Variants in INSR observed in about 807,000 individuals in gnomAD.
The protein encoded by INSR is insulin receptor, also known as IR.
Under a neutral mutation model 142.6 loss-of-function variants are expected in INSR, and 67 were observed. The ratio of observed to expected loss-of-function variants is 0.47; its 90% confidence interval spans 0.39 to 0.58. The LOEUF (loss-of-function observed/expected upper bound fraction) is 0.58. INSR is among the 20% of genes least tolerant of loss of function. The probability of loss-of-function intolerance (pLI) is 0.00; values close to 1 mark genes in which losing one functional copy is unlikely to be tolerated. For synonymous variants in INSR, 756 were observed against 743.1 expected (o/e 1.02, Z -0.28); for missense variants, 1,248 against 1,833.2 (o/e 0.68, Z 5.83).
chr19:7,185,854 AAAAAAG>A (rs1215166627), intron 2 of INSR, among the ~76,000 whole-genome samples: 1 of 144,024 alleles, frequency 6.9e-6, no homozygotes, highest in Non-Finnish European at 1.5e-5. Context: ...AAAAAAAAAA[AAAAAAG>A]AGAGAGAGAG....
At chr19:7,138,603 C>G (rs140487097) in intron 13 of INSR, among the ~76,000 whole-genome samples, 8 of 152,144 alleles carry the variant, frequency 5.3e-5, no homozygotes, top group Non-Finnish European at 1.2e-4. Flanking sequence ...AACTCCTGGC[C>G]TCAAGCAATC....
chr19:7,168,135 G>A lies in INSR; in HGVS notation c.1484-41C>T, dbSNP rs140569636. The A allele has an allele frequency of 2.5e-6, 4 of 1,609,288 alleles. No homozygotes were observed. The African/African-American group carries it at 5.3e-5, about 22-fold the overall frequency. On this transcript the variant is annotated intron_variant, in intron 6 of 21. Coordinates refer to ENST00000302850, the MANE Select transcript of INSR (RefSeq NM_000208.4). This position sits in a 1 kb window ranked among gnomAD's most constrained non-coding sequence, Gnocchi z 4.3. ...CAAAAGGCAAAAATGAGCTATTTCA[G>A]TGTAGTTTCAGACCAAAGCCTGGGA...
intron 3 of INSR, among the ~76,000 whole-genome samples, chr19:7,180,003 G>A (rs541689733): frequency 2.0e-5 from 3 of 152,304 alleles, no homozygotes; most frequent in Admixed American, 6.5e-5. Flanking sequence ...GCTGGGGTAA[G>A]AGACTTATGG....
intron 2 of INSR, among the ~76,000 whole-genome samples, chr19:7,219,707 T>C (rs1310242934): frequency 6.6e-6 from 1 of 152,026 alleles, no homozygotes; most frequent in African/African-American, 2.4e-5. Flanking sequence ...AAAAGAACGA[T>C]TGCTGGCTCA....
chr19:7,265,399 A>C (rs906497688), intron 2 of INSR, among the ~76,000 whole-genome samples: 13 of 152,160 alleles, frequency 8.5e-5, no homozygotes, highest in Non-Finnish European at 1.9e-4. Flanking sequence ...TGAGTCACAC[A>C]CACAAACAGA....
Position 7,229,949 on chromosome 19 carries a change from T to G in INSR, c.652+37396A>C, listed in dbSNP as rs1191779127. 3.3e-5 allele frequency among the ~76,000 whole-genome samples: 5 copies of G among 152,048 alleles called. No individual in the cohort carries two copies. In the South Asian group the frequency reaches 1.0e-3, roughly 32 times the overall value. On this transcript the variant is annotated intron_variant, in intron 2 of 21. Transcript: ENST00000302850. Reference sequence around the variant, plus strand: ...CTCAGCTAATTTTTCTTTTTCTTTTTTTTGTTTGTTTGTTTTTGTTTTTGT... The same window carrying G: ...CTCAGCTAATTTTTCTTTTTCTTTTGTTTGTTTGTTTGTTTTTGTTTTTGT...
chr19:7,289,749 T>A (rs1377122824), intron 1 of INSR, among the ~76,000 whole-genome samples: 2 of 152,002 alleles, frequency 1.3e-5, no homozygotes, highest in East Asian at 1.9e-4. Context: ...AGAGCCCAGA[T>A]GGGTAAATGT....
At chr19:7,155,540 C>A (rs868765723) in intron 9 of INSR, among the ~76,000 whole-genome samples, 74 of 103,024 alleles carry the variant, frequency 7.2e-4, no homozygotes, top group South Asian at 1.4e-3. Context: ...TTCCATCTCT[C>A]AAAAAAAAAA....
At chr19:7,173,740 C>T (rs1300408364) in intron 4 of INSR, among the ~76,000 whole-genome samples, 1 of 151,384 alleles carries the variant, frequency 6.6e-6, no homozygotes, top group Non-Finnish European at 1.5e-5. Flanking sequence ...CTGCCTCAGC[C>T]TCCTGCGTAG....
intron 2 of INSR, among the ~76,000 whole-genome samples, chr19:7,258,200 C>A (rs1444148061): frequency 6.6e-6 from 1 of 151,996 alleles, no homozygotes; most frequent in African/African-American, 2.4e-5. Context: ...TTTGGGAGGC[C>A]AAGAAAGGAG....
chr19:7,227,938 T>A lies in INSR; in HGVS notation c.652+39407A>T, dbSNP rs1349097592. Among the ~76,000 whole-genome samples, 4 of 151,494 alleles carry A rather than the reference T, an allele frequency of 2.6e-5. No homozygotes were observed. In the South Asian group the frequency reaches 8.4e-4, roughly 32 times the overall value. ...TGAGACCGCGACCTTCACACTAGGG[T>A]CATATTTCAACACAGAAACCAGGGT... On this transcript the variant is annotated intron_variant, in intron 2 of 21. Transcript: ENST00000302850.
chr19:7,249,088 A>G (rs1207405171), intron 2 of INSR, among the ~76,000 whole-genome samples: 1 of 152,100 alleles, frequency 6.6e-6, no homozygotes, highest in African/African-American at 2.4e-5. Context: ...CCATCCTTTC[A>G]AAACTAAAAG....
intron 2 of INSR, among the ~76,000 whole-genome samples, chr19:7,254,549 C>T (rs1251450493): frequency 6.6e-6 from 1 of 151,742 alleles, no homozygotes; most frequent in Non-Finnish European, 1.5e-5. Context: ...AAACAAACAA[C>T]AAAATAAAAA....
chr19:7,238,362 G>A (rs1349894828), intron 2 of INSR, among the ~76,000 whole-genome samples: 4 of 152,122 alleles, frequency 2.6e-5, no homozygotes, highest in Non-Finnish European at 4.4e-5. Context: ...GCTCACGCCT[G>A]TAATCCCAGT....
chr19:7,251,647 G>A (rs1976732540), intron 2 of INSR, among the ~76,000 whole-genome samples: 1 of 151,942 alleles, frequency 6.6e-6, no homozygotes, highest in African/African-American at 2.4e-5. Context: ...AGAAGGAAGT[G>A]ATGTCTACAA....
At chr19:7,221,095 C>G (rs1000924962) in intron 2 of INSR, among the ~76,000 whole-genome samples, 3 of 152,114 alleles carry the variant, frequency 2.0e-5, no homozygotes, top group Non-Finnish European at 4.4e-5. Flanking sequence ...TTCACCAGGC[C>G]GAGCGCAGTG....
At chr19:7,232,937 T>C (rs1432256382) in intron 2 of INSR, among the ~76,000 whole-genome samples, 1 of 152,228 alleles carries the variant, frequency 6.6e-6, no homozygotes, top group African/African-American at 2.4e-5. Flanking sequence ...ATCATTCCCG[T>C]ATCCTCTTCT....
intron 1 of INSR, among the ~76,000 whole-genome samples, chr19:7,270,410 C>T (rs940362785): frequency 6.6e-6 from 1 of 151,344 alleles, no homozygotes. Flanking sequence ...TGGCCGCCAT[C>T]CTCCCCAGGC....
intron 2 of INSR, among the ~76,000 whole-genome samples, chr19:7,221,073 G>C (rs543005116): frequency 1.3e-5 from 2 of 152,226 alleles, no homozygotes; most frequent in African/African-American, 4.8e-5. Context: ...AGTCCCCACC[G>C]GCAAGAAGGT....
Sources: gnomAD v4.1 joint callset for allele counts (sites outside exome capture counted in the v4.1 genomes callset) on GRCh38, gnomAD v4.1.1 for gene constraint, Gnocchi (gnomAD v3.1) non-coding constraint, MANE v1.5 for transcripts, NCBI Gene and HGNC (gene_info 2026-07-23, HGNC 2026-07-21) for gene names.